The following GALNT13 variants were observed in gnomAD, a reference collection of about 807,000 sequenced individuals.
The protein encoded by GALNT13 is UDP-GalNAc:polypeptide N-acetylgalactosaminyltransferase 13.
In GALNT13, 28 loss-of-function variants were observed where a neutral mutation model predicts 64.2. The observed-to-expected ratio is 0.44, with a 90% CI of 0.32 to 0.60. The LOEUF is 0.60. Among genes scored for constraint, GALNT13 ranks in the 20% least tolerant of loss-of-function variants. The pLI is 0.05. For missense variants in GALNT13, 577 were observed against 669.8 expected, an observed-to-expected ratio of 0.86 and a Z score of 1.53; for synonymous variants, 214 against 224.6, an observed-to-expected ratio of 0.95 and a Z score of 0.42.
intron 9 of GALNT13, among the ~76,000 whole-genome samples, chr2:154,336,317 G>T (rs769672166): frequency 5.3e-5 from 8 of 152,048 alleles, no homozygotes; most frequent in Non-Finnish European, 1.2e-4. Context: ...AACCTACTCA[G>T]TGATCATCAG....
the GALNT13 span, among the ~76,000 whole-genome samples, chr2:153,593,667 G>C: frequency 6.6e-6 from 1 of 152,150 alleles, no homozygotes; most frequent in East Asian, 1.9e-4. Flanking sequence ...TCAGGGTGGT[G>C]GGAAAGAGAC....
chr2:153,739,536 T>TA, the GALNT13 span, among the ~76,000 whole-genome samples: 1 of 144,564 alleles, frequency 6.9e-6, no homozygotes. Context: ...TATTATTTTT[T>TA]AATGTATTTA....
the GALNT13 span, among the ~76,000 whole-genome samples, chr2:153,513,580 A>G: frequency 1.4e-3 from 208 of 152,238 alleles, no homozygotes; most frequent in African/African-American, 4.6e-3. Context: ...TTATTTTTCC[A>G]TTGGTCATCT....
At chr2:153,306,466 T>C in the GALNT13 span, among the ~76,000 whole-genome samples, 2 of 152,216 alleles carry the variant, frequency 1.3e-5, no homozygotes, top group African/African-American at 4.8e-5. Context: ...CCAGTTATTT[T>C]TGCTAAACAT....
chr2:153,640,052 A>G, the GALNT13 span, among the ~76,000 whole-genome samples: 1 of 152,118 alleles, frequency 6.6e-6, no homozygotes, highest in Non-Finnish European at 1.5e-5. Flanking sequence ...GCAGTTGCCA[A>G]TTCCATTGAT....
At chr2:154,184,235 T>G (rs1686126417) in intron 4 of GALNT13, among the ~76,000 whole-genome samples, 1 of 152,102 alleles carries the variant, frequency 6.6e-6, no homozygotes, top group Non-Finnish European at 1.5e-5. Context: ...TACCTGCCTC[T>G]TCTCACTTTT....
At chr2:153,291,780 A>G in the GALNT13 span, among the ~76,000 whole-genome samples, 1 of 152,124 alleles carries the variant, frequency 6.6e-6, no homozygotes, top group East Asian at 1.9e-4. Context: ...GGACCAAAAA[A>G]TAATGTTAAA....
chr2:154,234,277 A>C (rs899736850), intron 4 of GALNT13, among the ~76,000 whole-genome samples: 1 of 152,192 alleles, frequency 6.6e-6, no homozygotes, highest in African/African-American at 2.4e-5. Flanking sequence ...TATTCTGTAC[A>C]GTGCTTCATA....
chr2:153,790,677 T>A, the GALNT13 span, among the ~76,000 whole-genome samples: 4 of 152,198 alleles, frequency 2.6e-5, no homozygotes, highest in African/African-American at 9.6e-5. Context: ...TGTTTGCAGA[T>A]GACATGATTG....
the GALNT13 span, among the ~76,000 whole-genome samples, chr2:153,257,645 T>C: frequency 0.053 from 8,143 of 152,240 alleles, 771 homozygotes; most frequent in African/African-American, 0.19. Context: ...TTTTTTGAGC[T>C]ATTGGCAGCT....
chr2:153,812,129 A>G, the GALNT13 span, among the ~76,000 whole-genome samples: 1 of 152,170 alleles, frequency 6.6e-6, no homozygotes, highest in Non-Finnish European at 1.5e-5. Context: ...GTCATCAACA[A>G]TTAGTTTTGC....
intron 3 of GALNT13, among the ~76,000 whole-genome samples, chr2:153,946,741 T>C (rs1004825897): frequency 3.3e-5 from 5 of 152,094 alleles, no homozygotes; most frequent in African/African-American, 9.7e-5. Context: ...AGGATTTCAG[T>C]ATATGAATTT....
the GALNT13 span, among the ~76,000 whole-genome samples, chr2:153,726,793 A>G: frequency 5.3e-5 from 8 of 152,052 alleles, no homozygotes; most frequent in Non-Finnish European, 8.8e-5. Context: ...ACAAAAAATT[A>G]GCCGGGTGTG....
chr2:153,961,494 G>C (rs1692941441), intron 3 of GALNT13, among the ~76,000 whole-genome samples: 1 of 151,798 alleles, frequency 6.6e-6, no homozygotes, highest in Non-Finnish European at 1.5e-5. Flanking sequence ...TGTAAAGGGA[G>C]GTAATACATA....
chr2:154,419,577 C>A (rs879337469), intron 11 of GALNT13, among the ~76,000 whole-genome samples: 1 of 152,094 alleles, frequency 6.6e-6, no homozygotes, highest in African/African-American at 2.4e-5. Flanking sequence ...AAATTCATTT[C>A]ATGGGATCCT....
chr2:153,867,642 A>G (rs1685789561), upstream of GALNT13, among the ~76,000 whole-genome samples: 5 of 151,846 alleles, frequency 3.3e-5, no homozygotes, highest in South Asian at 1.0e-3. Context: ...ATATATTATG[A>G]AATAATTATC....
At chr2:153,559,674 T>C in the GALNT13 span, among the ~76,000 whole-genome samples, 1 of 152,096 alleles carries the variant, frequency 6.6e-6, no homozygotes, top group Non-Finnish European at 1.5e-5. Context: ...TAAGAGATTT[T>C]TATTAACTTT....
the GALNT13 span, among the ~76,000 whole-genome samples, chr2:153,487,025 G>A: frequency 3.6e-4 from 55 of 152,172 alleles, no homozygotes; most frequent in Non-Finnish European, 5.4e-4. Flanking sequence ...TCAGAGGTGG[G>A]ATTATATCTG....
At chr2:153,740,460 C>T in the GALNT13 span, among the ~76,000 whole-genome samples, 1 of 151,946 alleles carries the variant, frequency 6.6e-6, no homozygotes, top group South Asian at 2.1e-4. Flanking sequence ...CTTACTTTTT[C>T]ATTAATTGCA....
Sources: allele counts gnomAD v4.1 joint callset (sites outside exome capture counted in the v4.1 genomes callset), GRCh38; gene constraint gnomAD v4.1.1; transcripts MANE v1.5; gene names NCBI Gene and HGNC (gene_info 2026-07-23, HGNC 2026-07-21).